The following WASF3 variants were observed in gnomAD, a reference collection of about 807,000 sequenced individuals.
WASF3 encodes the protein WASP family member 3.
Under a neutral mutation model 46.6 loss-of-function variants are expected in WASF3, and 11 were observed. The ratio of observed to expected loss-of-function variants is 0.24; its 90% CI spans 0.15 to 0.39. The LOEUF (loss-of-function observed/expected upper bound fraction) is 0.39. Ranked by LOEUF, WASF3 falls within the 10% of genes least tolerant of loss-of-function variation. WASF3 has a pLI of 1.00. For missense variants in WASF3, 576 were observed against 669.8 expected, an observed-to-expected ratio of 0.86 and a Z score of 1.55; for synonymous variants, 242 against 259.7, an observed-to-expected ratio of 0.93 and a Z score of 0.65.
chr13:26,622,328 A>G (rs1228327119), intron 2 of WASF3, among the ~76,000 whole-genome samples: 1 of 152,220 alleles, frequency 6.6e-6, no homozygotes, highest in Non-Finnish European at 1.5e-5. Context: ...AATTTTGTAT[A>G]GTCAACTACC....
chr13:26,592,546 G>A (rs1049509722), intron 1 of WASF3, among the ~76,000 whole-genome samples: 1 of 151,116 alleles, frequency 6.6e-6, no homozygotes, highest in Non-Finnish European at 1.5e-5. Flanking sequence ...TTCTGAGTGG[G>A]TGCAGAGAGT....
At chr13:26,574,849 T>G (rs1249948478) in intron 1 of WASF3, among the ~76,000 whole-genome samples, 1 of 151,850 alleles carries the variant, frequency 6.6e-6, no homozygotes, top group African/African-American at 2.4e-5. Flanking sequence ...TCTTTTTTTT[T>G]TTTTTGAGAT....
intron 3 of WASF3, among the ~76,000 whole-genome samples, chr13:26,651,560 G>C (rs1346030518): frequency 6.6e-6 from 1 of 152,136 alleles, no homozygotes; most frequent in East Asian, 1.9e-4. Flanking sequence ...AAAAATGAAA[G>C]ACATTTTGTT....
intron 3 of WASF3, among the ~76,000 whole-genome samples, chr13:26,661,654 T>C (rs1210833071): frequency 1.3e-5 from 2 of 152,202 alleles, no homozygotes; most frequent in Non-Finnish European, 2.9e-5. Flanking sequence ...TGCTGGGTCA[T>C]ATGTTTAATT....
In WASF3 at chr13:26,635,042, A is replaced by G. The variant is rs149217979; in HGVS notation, c.-10-7219A>G. On this transcript the variant is annotated intron_variant, in intron 2 of 9. Transcript: ENST00000335327. The stretch of plus-strand genomic sequence containing the variant: ...AATTTGAATGTTGGTCTGCCTTGCT[A>G]GGTTGGGGAAGTTCTCCTGGATAAT... 8.9e-3 allele frequency among the ~76,000 whole-genome samples: 1,354 copies of G among 152,208 alleles called. 10 individuals are homozygous for G. The highest frequency in any genetic ancestry group is 0.017 in the Middle Eastern group (5 of 294).
intron 1 of WASF3, among the ~76,000 whole-genome samples, chr13:26,579,268 T>C (rs1004075426): frequency 3.9e-5 from 6 of 151,902 alleles, no homozygotes; most frequent in African/African-American, 7.3e-5. Context: ...AGAGAGAAAC[T>C]AGATTAAAAT....
intron 7 of WASF3, 51 bp downstream of exon 7, chr13:26,676,775 C>G: frequency 6.5e-7 from 1 of 1,527,428 alleles, no homozygotes; most frequent in Non-Finnish European, 8.8e-7. Flanking sequence ...CAACTGGGTA[C>G]TACCTGGTTT....
intron 3 of WASF3, among the ~76,000 whole-genome samples, chr13:26,659,809 G>A (rs1002610190): frequency 1.3e-5 from 2 of 152,208 alleles, no homozygotes. Context: ...GGAGCAACGG[G>A]AAGAATGGAG....
chr13:26,655,089 C>G (rs79518823), intron 3 of WASF3, among the ~76,000 whole-genome samples: 238 of 152,248 alleles, frequency 1.6e-3, no homozygotes, highest in African/African-American at 5.6e-3. Context: ...TACATTTCTT[C>G]TTTTTCTCAG....
At chr13:26,613,786 C>A (rs1395459308) in intron 2 of WASF3, among the ~76,000 whole-genome samples, 1 of 152,104 alleles carries the variant, frequency 6.6e-6, no homozygotes, top group Non-Finnish European at 1.5e-5. Flanking sequence ...CCTCAAAAAA[C>A]CAAAAGCAAA....
chr13:26,645,408 G>C (rs1004907229), intron 3 of WASF3, among the ~76,000 whole-genome samples: 1 of 152,204 alleles, frequency 6.6e-6, no homozygotes, highest in South Asian at 2.1e-4. Context: ...CCTACTCTGT[G>C]GTCTTCTGTC....
rs1206183088 is a variant in WASF3 at position 26,687,071 on chromosome 13, C to T, written c.*1226C>T. ...GCTGTAGTACAGTGCTGTGCCCTCA[C>T]CTCCACCCTTCCTGTTGTTCCCACG... On this transcript the variant is annotated 3_prime_UTR_variant, in exon 10 of 10. Coordinates refer to ENST00000335327, the MANE Select transcript of WASF3 (RefSeq NM_006646.6). 1 of 152,206 alleles carries T rather than the reference C, an allele frequency of 6.6e-6. No homozygotes were observed. Among genetic ancestry groups the T allele is most frequent in the African/African-American group, 2.4e-5 (1 of 41,452 alleles). 9.4% of individuals were successfully genotyped at this position (152,206 alleles called of 1,614,324 possible). A position where few individuals can be genotyped will look rare whatever the true frequency, so the allele number is the denominator to read the frequency against.
At chr13:26,613,963 T>C (rs1010622856) in intron 2 of WASF3, among the ~76,000 whole-genome samples, 7 of 152,204 alleles carry the variant, frequency 4.6e-5, no homozygotes, top group African/African-American at 1.7e-4. Context: ...GGGCAAGTTA[T>C]TTCTTTGAGC....
intron 1 of WASF3, among the ~76,000 whole-genome samples, chr13:26,587,917 A>G (rs1000558737): frequency 6.6e-5 from 10 of 152,206 alleles, no homozygotes; most frequent in African/African-American, 9.6e-5. Flanking sequence ...AGTTACATTG[A>G]GAATTCATTG....
chr13:26,544,549 A>G, the WASF3 span, among the ~76,000 whole-genome samples: 2 of 152,214 alleles, frequency 1.3e-5, no homozygotes, highest in African/African-American at 4.8e-5. Flanking sequence ...ATCAAAACCC[A>G]AGAGTGACTA....
chr13:26,605,848 A>G (rs995231479), intron 1 of WASF3, among the ~76,000 whole-genome samples: 3 of 152,202 alleles, frequency 2.0e-5, no homozygotes, highest in African/African-American at 7.2e-5. Context: ...GTGGTAATGA[A>G]TAACTAGGCA....
the WASF3 span, among the ~76,000 whole-genome samples, chr13:26,549,287 C>T: frequency 4.6e-5 from 7 of 152,088 alleles, no homozygotes; most frequent in African/African-American, 1.7e-4. Flanking sequence ...GCCAATCCCA[C>T]TACATTTTTT....
chr13:26,630,691 G>T (rs1003115684), intron 2 of WASF3, among the ~76,000 whole-genome samples: 1 of 152,016 alleles, frequency 6.6e-6, no homozygotes, highest in African/African-American at 2.4e-5. Flanking sequence ...GGGATCGCTG[G>T]GTCAAATGCT....
At chr13:26,673,763 T>G (rs984288855) in intron 6 of WASF3, among the ~76,000 whole-genome samples, 1 of 152,152 alleles carries the variant, frequency 6.6e-6, no homozygotes, top group Non-Finnish European at 1.5e-5. Flanking sequence ...CAAATAAATA[T>G]GAAGTTTTAA....
Sources: allele counts gnomAD v4.1 joint callset (sites outside exome capture counted in the v4.1 genomes callset), GRCh38; gene constraint gnomAD v4.1.1; transcripts MANE v1.5; gene names NCBI Gene and HGNC (gene_info 2026-07-23, HGNC 2026-07-21).